Variants in VPS13D observed in about 807,000 individuals in gnomAD.
VPS13D encodes the protein intermembrane lipid transfer protein VPS13D.
VPS13D carries 187 observed loss-of-function variants against 461.9 expected under a neutral mutation model. That is an observed-to-expected ratio of 0.40 (90% CI 0.36 to 0.46). VPS13D has a LOEUF of 0.46. Ranked by LOEUF, VPS13D falls within the 20% of genes least tolerant of loss-of-function variation. The pLI is 0.60. For synonymous variants in VPS13D, 1,951 were observed against 1,986.3 expected, an observed-to-expected ratio of 0.98 and a Z score of 0.47; for missense variants, 4,711 against 5,364.9, an observed-to-expected ratio of 0.88 and a Z score of 3.81.
chr1:12,386,576 A>G (rs1644353621), intron 60 of VPS13D, among the ~76,000 whole-genome samples: 1 of 152,222 alleles, frequency 6.6e-6, no homozygotes. Context: ...AAGGTGACCC[A>G]TGGTTCACCA....
intron 65 of VPS13D, among the ~76,000 whole-genome samples, chr1:12,448,497 C>T (rs1290234065): frequency 6.6e-6 from 1 of 152,126 alleles, no homozygotes; most frequent in East Asian, 1.9e-4. Context: ...AAGTAGGGGT[C>T]TGGCATTTTC....
chr1:12,443,529 G>A (rs988466088), intron 65 of VPS13D, among the ~76,000 whole-genome samples: 1 of 152,040 alleles, frequency 6.6e-6, no homozygotes, highest in African/African-American at 2.4e-5. Flanking sequence ...TCTTTATTTT[G>A]CTTCTTTTTC....
intron 24 of VPS13D, among the ~76,000 whole-genome samples, chr1:12,295,234 A>AC (rs1441792701): frequency 3.3e-5 from 5 of 151,772 alleles, no homozygotes; most frequent in Admixed American, 6.6e-5. Flanking sequence ...AAAAAAAAAA[A>AC]AAAAAACAAA....
intron 46 of VPS13D, among the ~76,000 whole-genome samples, chr1:12,352,335 A>G (rs1304603328): frequency 6.6e-6 from 1 of 152,184 alleles, no homozygotes; most frequent in Non-Finnish European, 1.5e-5. Context: ...TTGGAAAAAT[A>G]CATATATCTG....
chr1:12,282,307 G>A (rs1641809604), intron 20 of VPS13D, among the ~76,000 whole-genome samples: 1 of 152,216 alleles, frequency 6.6e-6, no homozygotes, highest in East Asian at 1.9e-4. Context: ...AACATTGGCT[G>A]TTACTCTAAC....
At chr1:12,275,288 G>A (rs886179707) in intron 18 of VPS13D, among the ~76,000 whole-genome samples, 1 of 151,778 alleles carries the variant, frequency 6.6e-6, no homozygotes, top group Non-Finnish European at 1.5e-5. Flanking sequence ...GGTGGTACAT[G>A]CCTGTAATCC....
chr1:12,330,566 C>G (rs1300054692), intron 37 of VPS13D, among the ~76,000 whole-genome samples: 4 of 151,900 alleles, frequency 2.6e-5, no homozygotes, highest in Non-Finnish European at 5.9e-5. Flanking sequence ...TGCCCACAAG[C>G]ATTTTTTTGT....
rs1041698256 is a variant in VPS13D at position 12,495,885 on chromosome 1, A to G, written c.12663-1615A>G. ...AAGGAGATAAGAACAGAGCTCTGCT[A>G]CGTGGAGAGGCACGCCAAGCTCCTT... On this transcript the variant is annotated intron_variant, in intron 67 of 69. Coordinates refer to ENST00000620676, the MANE Select transcript of VPS13D (RefSeq NM_015378.4). This position sits in a 1 kb window ranked among gnomAD's most constrained non-coding sequence, Gnocchi z 4.0. Among the ~76,000 whole-genome samples, 17 of 152,324 alleles carry G rather than the reference A, an allele frequency of 1.1e-4. No individual in the cohort carries two copies. Among genetic ancestry groups the G allele is most frequent in the South Asian group, 6.2e-4 (3 of 4,828 alleles).
rs1385189472 is a variant in VPS13D, at chr1:12,279,416, A to G, written c.4451-83A>G. 3.4e-5 allele frequency: 49 copies of G among 1,437,918 alleles called. No homozygotes were observed. Among genetic ancestry groups the G allele is most frequent in the Non-Finnish European group, 4.5e-5 (48 of 1,074,172 alleles). 89.1% of individuals were successfully genotyped at this position (1,437,918 alleles called of 1,614,324 possible). A position where few individuals can be genotyped will look rare whatever the true frequency, so the allele number is the denominator to read the frequency against. ...GGTCTAAGTGTAACTCATGGGCTGT[A>G]TTTTGTATATTCTACGTTTAATCAG... On this transcript the variant is annotated intron_variant, in intron 19 of 69. Coordinates refer to ENST00000620676, the MANE Select transcript of VPS13D (RefSeq NM_015378.4). The surrounding 1 kb of genome is among the most constrained non-coding windows in gnomAD (Gnocchi z 4.3).
chr1:12,493,176 C>A (rs1329800711), intron 67 of VPS13D, among the ~76,000 whole-genome samples: 1 of 141,682 alleles, frequency 7.1e-6, no homozygotes, highest in Non-Finnish European at 1.5e-5. Context: ...TCCTAAAGAC[C>A]AGTTATTAAA....
At chr1:12,331,219 A>G (rs1228201929) in intron 37 of VPS13D, among the ~76,000 whole-genome samples, 3 of 152,220 alleles carry the variant, frequency 2.0e-5, no homozygotes, top group Non-Finnish European at 2.9e-5. Context: ...GGTAGTAGGC[A>G]TGGACAGAAT....
chr1:12,452,003 C>G (rs937967941), intron 65 of VPS13D, among the ~76,000 whole-genome samples: 3 of 152,304 alleles, frequency 2.0e-5, no homozygotes, highest in African/African-American at 7.2e-5. Context: ...GGTTACTTGT[C>G]TGTGATCTCA....
chr1:12,258,114 T>C lies in VPS13D; in HGVS notation c.1110+11T>C, dbSNP rs1640977681. On this transcript the variant is annotated intron_variant, in intron 10 of 69. Transcript: ENST00000620676. ...TCCACAGATGACAAGGTAAGTGGAC[T>C]GTGGTCTTGTGTTTCTTGTCTTATT... 5 of 1,612,958 alleles carry C rather than the reference T, an allele frequency of 3.1e-6. No homozygotes were observed. The highest frequency in any genetic ancestry group is 1.3e-5 in the African/African-American group (1 of 75,014).
chr1:12,411,570 A>G (rs1431861163), intron 63 of VPS13D, among the ~76,000 whole-genome samples: 1 of 152,112 alleles, frequency 6.6e-6, no homozygotes, highest in African/African-American at 2.4e-5. Flanking sequence ...GGAGAGAAAG[A>G]AAACATTAAC....
At chr1:12,441,513 G>A (rs368995531) in intron 65 of VPS13D, among the ~76,000 whole-genome samples, 5 of 152,320 alleles carry the variant, frequency 3.3e-5, no homozygotes, top group African/African-American at 1.2e-4. Flanking sequence ...AAAGCCACGT[G>A]CAGAGGCAGC....
intron 57 of VPS13D, among the ~76,000 whole-genome samples, chr1:12,380,657 G>A (rs1204738915): frequency 6.6e-6 from 1 of 152,204 alleles, no homozygotes; most frequent in East Asian, 1.9e-4. Flanking sequence ...ACCTGCAATT[G>A]TGTGTGCAGT....
intron 20 of VPS13D, among the ~76,000 whole-genome samples, chr1:12,280,551 G>A (rs1641748796): frequency 6.8e-6 from 1 of 147,996 alleles, no homozygotes; most frequent in African/African-American, 2.5e-5. Context: ...TGCCAGTGGT[G>A]TGATCTTGGC....
chr1:12,371,027 T>C (rs1434921591), intron 54 of VPS13D, among the ~76,000 whole-genome samples: 1 of 152,236 alleles, frequency 6.6e-6, no homozygotes, highest in East Asian at 1.9e-4. Context: ...GAATAAATGA[T>C]GAGGAAGAAT....
intron 3 of VPS13D, among the ~76,000 whole-genome samples, chr1:12,243,591 A>G (rs889491113): frequency 6.6e-6 from 1 of 152,128 alleles, no homozygotes; most frequent in Admixed American, 6.5e-5. Context: ...CAGGAGTTCA[A>G]GACCAGCCTG....
Sources: allele counts gnomAD v4.1 joint callset (sites outside exome capture counted in the v4.1 genomes callset), GRCh38; gene constraint gnomAD v4.1.1; non-coding constraint Gnocchi (gnomAD v3.1); transcripts MANE v1.5; gene names NCBI Gene and HGNC (gene_info 2026-07-23, HGNC 2026-07-21).